The following GALNT9 variants were observed in gnomAD, a reference collection of about 807,000 sequenced individuals.
GALNT9 encodes the protein GalNAc transferase 9.
GALNT9 carries 47 observed loss-of-function variants against 63.1 expected under a neutral mutation model. The ratio of observed to expected loss-of-function variants is 0.75; its 90% CI spans 0.59 to 0.95. GALNT9 has a LOEUF of 0.95. GALNT9 is among the 40% of genes least tolerant of loss of function. The pLI is 0.00. For synonymous variants in GALNT9, 396 were observed against 365.7 expected (o/e 1.08, Z -0.94); for missense variants, 829 against 874.8 (o/e 0.95, Z 0.66).
At position 132,245,665 on chromosome 12, in the gene GALNT9, G is replaced by A. The variant is rs1318479067; in HGVS notation, c.1077+2245C>T. On this transcript the variant is annotated intron_variant, in intron 6 of 10. Coordinates refer to ENST00000328957, the MANE Select transcript of GALNT9 (RefSeq NM_001122636.2). The surrounding 1 kb of genome is among the most constrained non-coding windows in gnomAD (Gnocchi z 6.3). ...AGCACCCACACCCCCAGCCCGGCCT[G>A]CTGACCCTCGCCCACCACACAGGTT... 6.6e-6 allele frequency among the ~76,000 whole-genome samples: 1 copy of A among 152,140 alleles called. No homozygotes were observed. Among genetic ancestry groups the A allele is most frequent in the East Asian group, 1.9e-4 (1 of 5,190 alleles).
chr12:132,304,250 C>T (rs1881460231), intron 1 of GALNT9, among the ~76,000 whole-genome samples: 1 of 57,188 alleles, frequency 1.7e-5, no homozygotes, highest in Non-Finnish European at 3.3e-5. Context: ...CTCACCCAGA[C>T]ACACCCTCAC....
intron 6 of GALNT9, among the ~76,000 whole-genome samples, chr12:132,226,531 ACAC>A (rs1399507594): frequency 2.9e-5 from 4 of 137,162 alleles, no homozygotes; most frequent in East Asian, 2.3e-4. Flanking sequence ...CCACACACAT[ACAC>A]AACACACAAC....
At chr12:132,290,845 TCCACAGCACCCACAA>T (rs1397063543) in intron 1 of GALNT9, among the ~76,000 whole-genome samples, 2 of 36,082 alleles carry the variant, frequency 5.5e-5, no homozygotes, top group Non-Finnish European at 9.2e-5. Flanking sequence ...AGCGCACACG[TCCACAGCACCCACAA>T]CCACAGCGCC....
chr12:132,268,750 C>G (rs868914893), intron 2 of GALNT9, among the ~76,000 whole-genome samples: 1 of 152,226 alleles, frequency 6.6e-6, no homozygotes, highest in Non-Finnish European at 1.5e-5. Flanking sequence ...CCACCGAAGA[C>G]GCCCAAGCAG....
intron 6 of GALNT9, chr12:132,240,503 T>C: frequency 2.4e-6 from 1 of 416,358 alleles, no homozygotes; most frequent in South Asian, 1.7e-5. Context: ...CGGGCGGCAC[T>C]CACTCCAGTC....
In GALNT9 at chr12:132,315,054, T is replaced by C. The variant is rs1177189260; in HGVS notation, c.238+13912A>G. Among the ~76,000 whole-genome samples, 1 of 152,002 alleles carries C rather than the reference T, an allele frequency of 6.6e-6. No homozygotes were observed. The highest frequency in any genetic ancestry group is 1.5e-5 in the Non-Finnish European group (1 of 67,988). On this transcript the variant is annotated intron_variant, in intron 1 of 10. Coordinates refer to ENST00000328957, the MANE Select transcript of GALNT9 (RefSeq NM_001122636.2). This position sits in a 1 kb window ranked among gnomAD's most constrained non-coding sequence, Gnocchi z 6.1. The stretch of plus-strand genomic sequence containing the variant: ...TGCTGTTCTCACCCCAATTTACAGA[T>C]GAGGAAGCTGAGGAGCGGGAGACTG...
At chr12:132,259,983 G>T (rs1879306820) in intron 4 of GALNT9, among the ~76,000 whole-genome samples, 1 of 124,744 alleles carries the variant, frequency 8.0e-6, no homozygotes, top group South Asian at 2.8e-4. Flanking sequence ...TGGGCGCGGG[G>T]CCTGCCTGGG....
At chr12:132,311,465 C>T (rs1395510778) in intron 1 of GALNT9, among the ~76,000 whole-genome samples, 1 of 152,216 alleles carries the variant, frequency 6.6e-6, no homozygotes, top group East Asian at 1.9e-4. Flanking sequence ...GCAAACAACC[C>T]TCTCCAGAGG....
intron 3 of GALNT9, 40 bp downstream of exon 3, chr12:132,262,419 G>A (rs1254994842): frequency 1.0e-5 from 16 of 1,525,556 alleles, no homozygotes; most frequent in Non-Finnish European, 1.4e-5. Context: ...GCCACAGGCA[G>A]CCGCCCGGCG....
chr12:132,221,034 T>TGA (rs1491452124), intron 6 of GALNT9, among the ~76,000 whole-genome samples: 1 of 74,064 alleles, frequency 1.4e-5, no homozygotes, highest in Non-Finnish European at 2.6e-5. Flanking sequence ...TCCAGCCTGG[T>TGA]GAGAGTGAGA....
rs932527409 is a variant in GALNT9, at chr12:132,203,830, C to T, written c.1078-140G>A. ...CACCACCGACGGGCCTGGTGGGTCC[C>T]GGGGCTTTGCCTCTCGGGGGCTGTT... On this transcript the variant is annotated intron_variant, in intron 6 of 10. Coordinates refer to ENST00000328957, the MANE Select transcript of GALNT9 (RefSeq NM_001122636.2). 4.5e-5 allele frequency: 39 copies of T among 858,380 alleles called. 1 individual carries two copies. The highest frequency in any genetic ancestry group is 8.2e-5 in the South Asian group (5 of 60,728). The allele number at this position is 858,380 out of a possible 1,614,324, so 53.2% of individuals were successfully genotyped here.
At chr12:132,300,521 G>C (rs1303005013) in intron 1 of GALNT9, among the ~76,000 whole-genome samples, 6 of 129,916 alleles carry the variant, frequency 4.6e-5, no homozygotes, top group Admixed American at 1.5e-4. Context: ...AGATGACCAA[G>C]CCACTCCTGA....
intron 1 of GALNT9, among the ~76,000 whole-genome samples, chr12:132,320,702 T>C (rs1326404270): frequency 2.5e-5 from 1 of 40,784 alleles, no homozygotes; most frequent in Non-Finnish European, 4.9e-5. Flanking sequence ...TCCAACTCCA[T>C]GTCCCTGGGC....
chr12:132,316,780 C>T lies in GALNT9; in HGVS notation c.238+12186G>A, dbSNP rs553418841. On this transcript the variant is annotated intron_variant, in intron 1 of 10. Transcript: ENST00000328957. This position sits in a 1 kb window ranked among gnomAD's most constrained non-coding sequence, Gnocchi z 4.3. ...AGCACTGGCGCTCACATGGGGTACTCGGACCCATAGGGACATTTGGTGAGA... is the reference window on the plus strand; with the variant it reads ...AGCACTGGCGCTCACATGGGGTACTTGGACCCATAGGGACATTTGGTGAGA... Among the ~76,000 whole-genome samples the T allele has an allele frequency of 5.9e-5, 9 of 152,154 alleles. No homozygotes were observed. In the East Asian group the frequency reaches 1.7e-3, roughly 29 times the overall value.
intron 6 of GALNT9, among the ~76,000 whole-genome samples, chr12:132,206,413 C>T (rs1876698486): frequency 6.6e-6 from 1 of 151,294 alleles, no homozygotes; most frequent in Non-Finnish European, 1.5e-5. Flanking sequence ...TTTGGGAGGC[C>T]GAGGTGGGTG....
intron 2 of GALNT9, among the ~76,000 whole-genome samples, chr12:132,272,290 G>A (rs1320057125): frequency 1.3e-5 from 2 of 152,226 alleles, no homozygotes; most frequent in African/African-American, 4.8e-5. Context: ...ATGGTGCGGG[G>A]CGGGACAGGG....
chr12:132,203,791 T>TC (rs1356382546), intron 6 of GALNT9, 101 bp from the exon 7 acceptor site: 1 of 1,310,306 alleles, frequency 7.6e-7, no homozygotes, highest in Non-Finnish European at 1.0e-6. Context: ...GGCCCTCTGT[T>TC]CCTGGGGCAC....
chr12:132,243,250 G>A (rs55934336), intron 6 of GALNT9, among the ~76,000 whole-genome samples: 2 of 116,730 alleles, frequency 1.7e-5, no homozygotes, highest in African/African-American at 7.5e-5. Flanking sequence ...CCCTTCCCGG[G>A]GCCCTCCCTA....
intron 4 of GALNT9, among the ~76,000 whole-genome samples, chr12:132,260,067 G>GGCGCGGGGCCTGCCTGGGTGCGGGGA (rs1879317069): frequency 4.0e-5 from 6 of 151,804 alleles, no homozygotes; most frequent in African/African-American, 1.2e-4. Flanking sequence ...GTGCACTATG[G>GGCGCGGGGCCTGCCTGGGTGCGGGGA]ACCCCGTAGG....
Sources: gnomAD v4.1 joint callset for allele counts (sites outside exome capture counted in the v4.1 genomes callset) on GRCh38, gnomAD v4.1.1 for gene constraint, Gnocchi (gnomAD v3.1) non-coding constraint, MANE v1.5 for transcripts, NCBI Gene and HGNC (gene_info 2026-07-23, HGNC 2026-07-21) for gene names.